The following DPYS variants were observed in gnomAD, a reference collection of about 807,000 sequenced individuals.
DPYS encodes dihydropyrimidinase.
In DPYS, 39 loss-of-function variants were observed where a neutral mutation model predicts 50.3. The ratio of observed to expected loss-of-function variants is 0.78; its 90% CI spans 0.60 to 1.01. DPYS has a LOEUF of 1.01. Among genes scored for constraint, DPYS ranks in the 50% least tolerant of loss-of-function variants. The pLI is 0.00. For missense variants in DPYS, 659 were observed against 680.9 expected (o/e 0.97, Z 0.36); for synonymous variants, 245 against 250.7 (o/e 0.98, Z 0.22).
At position 104,451,306 on chromosome 8, in the gene DPYS, AGCCCAGCTTC is replaced by A; in HGVS notation, c.353_362del (p.Arg118LeufsTer15). 1 of 1,614,208 alleles carries A rather than the reference AGCCCAGCTTC, an allele frequency of 6.2e-7. No homozygotes were observed. Among genetic ancestry groups the A allele is most frequent in the Non-Finnish European group, 8.5e-7 (1 of 1,180,034 alleles). On this transcript the variant is annotated frameshift_variant, in exon 2 of 10. Transcript: ENST00000351513. LOFTEE classifies it high-confidence loss of function. ...TGTAGTCGCAGCAAACTTTGGGATCAGCCCAGCTTCGCCAGGTCTCGAAGGCCTCAATGAG... is the reference window on the plus strand; with the variant it reads ...TGTAGTCGCAGCAAACTTTGGGATCAGCCAGGTCTCGAAGGCCTCAATGAG...
At position 104,447,463 on chromosome 8, in the gene DPYS, A is replaced by G. The variant is rs370518274; in HGVS notation, c.464T>C (p.Val155Ala). ...GGCCATAAACATCTTGAAAGAGTTA[A>G]CACCTTTATCTTGCACAAGGATTTT... ...EMKILVQDKGVNSFKMFMAYK... is the reference protein window; with the variant it reads ...EMKILVQDKGANSFKMFMAYK... Residue 155 changes from valine to alanine, a missense_variant, in exon 3 of 10, where the codon GTT becomes GCT. Transcript: ENST00000351513. 4 of 1,614,160 alleles carry G rather than the reference A, an allele frequency of 2.5e-6. No individual in the cohort carries two copies. The highest frequency in any genetic ancestry group is 3.4e-6 in the Non-Finnish European group (4 of 1,180,020).
At chr8:104,392,729 T>C (rs1811431460) in intron 8 of DPYS, 55 bp downstream of exon 8, 1 of 1,604,318 alleles carries the variant, frequency 6.2e-7, no homozygotes, top group Admixed American at 1.7e-5. Context: ...CAGCCAGACA[T>C]CCAGAAGCAG....
At chr8:104,452,129 A>G (rs1056570097) in intron 1 of DPYS, among the ~76,000 whole-genome samples, 4 of 152,234 alleles carry the variant, frequency 2.6e-5, no homozygotes, top group Admixed American at 1.3e-4. Flanking sequence ...TGGAATCTTC[A>G]TAACATGGTC....
intron 4 of DPYS, among the ~76,000 whole-genome samples, chr8:104,441,268 T>G (rs1813346692): frequency 6.6e-6 from 1 of 152,132 alleles, no homozygotes; most frequent in African/African-American, 2.4e-5. Context: ...GGGGAAAATA[T>G]GAGCAATGTC....
chr8:104,439,071 A>G (rs1298287777), intron 4 of DPYS, among the ~76,000 whole-genome samples: 1 of 152,122 alleles, frequency 6.6e-6, no homozygotes, highest in Non-Finnish European at 1.5e-5. Flanking sequence ...AAATAAAAAA[A>G]AAAAAAGGAA....
intron 7 of DPYS, among the ~76,000 whole-genome samples, chr8:104,397,093 G>C (rs1163363102): frequency 6.6e-6 from 1 of 152,172 alleles, no homozygotes; most frequent in African/African-American, 2.4e-5. Flanking sequence ...AATCTTAGGA[G>C]CTTTCACACT....
chr8:104,411,388 C>T (rs1158692908), intron 7 of DPYS, among the ~76,000 whole-genome samples: 2 of 152,142 alleles, frequency 1.3e-5, no homozygotes, highest in African/African-American at 4.8e-5. Context: ...ATTATTCTGC[C>T]TCCAGAAACT....
chr8:104,383,503 G>T (rs1252595011), intron 8 of DPYS, among the ~76,000 whole-genome samples: 2 of 152,062 alleles, frequency 1.3e-5, no homozygotes, highest in Non-Finnish European at 2.9e-5. Flanking sequence ...TCCCATCTAA[G>T]CCTGCTTTCT....
chr8:104,405,944 A>C (rs890995688), intron 7 of DPYS, among the ~76,000 whole-genome samples: 1 of 152,266 alleles, frequency 6.6e-6, no homozygotes, highest in Non-Finnish European at 1.5e-5. Context: ...AACTCTGGGC[A>C]CTGTTGCAAA....
chr8:104,432,273 T>C (rs1337527126), intron 4 of DPYS, among the ~76,000 whole-genome samples: 2 of 152,214 alleles, frequency 1.3e-5, no homozygotes. Context: ...TAAAGGAGTT[T>C]TACCCTTTGA....
chr8:104,392,922 C>T lies in DPYS; in HGVS notation c.1305G>A (p.Gly435=), dbSNP rs1564080777. 4 of 1,614,204 alleles carry T rather than the reference C, an allele frequency of 2.5e-6. 1 individual carries two copies. The Admixed American group carries it at 5.0e-5, about 20-fold the overall frequency. ...CTCTTGAAATAGTCACAAGGGGCAC[C>T]CCGTGGCAAACCATGCCCTCGAAAA... is the stretch of plus-strand genomic sequence containing the variant. The part of the protein sequence containing the change: ...FNIFEGMVCH[G]VPLVTISRGK... The change falls in exon 8 of 10, where the codon GGG becomes GGA. Residue 435 remains glycine (G), a synonymous_variant. Coordinates refer to ENST00000351513, the MANE Select transcript of DPYS (RefSeq NM_001385.3).
rs565135052 is a variant in DPYS at position 104,424,366 on chromosome 8, G to A, written c.1116C>T (p.Asn372=). 6.2e-7 allele frequency: 1 copy of A among 1,613,852 alleles called. No individual in the cohort carries two copies. Among genetic ancestry groups the A allele is most frequent in the East Asian group, 2.2e-5 (1 of 44,858 alleles). ...KGVHSGKMDE[N]RFVAVTSTNA... is the part of the protein sequence containing the mutation. ...TTGTGCTGGTAACTGCCACAAATCT[G>A]TTTTCATCCATTTTACCACTATGCT... The change falls in exon 7 of 10, where the codon AAC becomes AAT. Residue 372 remains asparagine, a synonymous_variant. Coordinates refer to ENST00000351513, the MANE Select transcript of DPYS (RefSeq NM_001385.3).
chr8:104,430,963 A>G (rs145750377), intron 4 of DPYS, among the ~76,000 whole-genome samples: 6 of 152,160 alleles, frequency 3.9e-5, no homozygotes, highest in Admixed American at 2.6e-4. Context: ...AATATGCCCA[A>G]TCGTTTTTAG....
intron 4 of DPYS, among the ~76,000 whole-genome samples, chr8:104,439,898 C>T (rs1054706202): frequency 1.3e-5 from 2 of 152,152 alleles, no homozygotes; most frequent in Admixed American, 1.3e-4. Context: ...AAAGTTTGGG[C>T]TTTGGGGTCA....
chr8:104,428,106 T>C lies in DPYS; in HGVS notation c.966A>G (p.Thr322=). 1 of 1,614,254 alleles carries C rather than the reference T, an allele frequency of 6.2e-7. No individual in the cohort carries two copies. Among genetic ancestry groups the C allele is most frequent in the Non-Finnish European group, 8.5e-7 (1 of 1,180,042 alleles). Residue 322 remains threonine, a synonymous_variant, in exon 6 of 10, where the codon ACA becomes ACG. Transcript: ENST00000351513. ...MNLLANDDLT[T]TGTDNCTFNT... is the part of the protein sequence containing the mutation. ...TGAAAGTGCAGTTATCAGTCCCTGT[T>C]GTGGTTAGATCATCACTGTAAAAGA...
chr8:104,465,805 T>C (rs1364656599), intron 1 of DPYS, among the ~76,000 whole-genome samples: 1 of 152,210 alleles, frequency 6.6e-6, no homozygotes, highest in Non-Finnish European at 1.5e-5. Flanking sequence ...TTCCTTTCAT[T>C]GACCCAAACT....
At chr8:104,434,583 A>G (rs915820454) in intron 4 of DPYS, among the ~76,000 whole-genome samples, 1 of 152,230 alleles carries the variant, frequency 6.6e-6, no homozygotes, top group Non-Finnish European at 1.5e-5. Flanking sequence ...TAAAACTATA[A>G]GCAAAACCAA....
chr8:104,414,788 C>T (rs1007915705), intron 7 of DPYS, among the ~76,000 whole-genome samples: 3 of 152,092 alleles, frequency 2.0e-5, no homozygotes, highest in Non-Finnish European at 4.4e-5. Flanking sequence ...AACCGATGGC[C>T]ATAATTTTAA....
intron 8 of DPYS, among the ~76,000 whole-genome samples, chr8:104,382,100 T>G (rs1250508760): frequency 2.0e-5 from 3 of 152,188 alleles, no homozygotes; most frequent in Admixed American, 6.5e-5. Context: ...ATCTCTCAGA[T>G]AGTGGAGAAT....
Sources: allele counts gnomAD v4.1 joint callset (sites outside exome capture counted in the v4.1 genomes callset), GRCh38; gene constraint gnomAD v4.1.1; transcripts MANE v1.5; gene names NCBI Gene and HGNC (gene_info 2026-07-23, HGNC 2026-07-21).